Variants in CYP7B1 observed in about 807,000 individuals in gnomAD.
CYP7B1 encodes the protein cytochrome P450 family 7 subfamily B member 1.
CYP7B1 carries 29 observed loss-of-function variants against 42.7 expected under a neutral mutation model. The observed-to-expected ratio is 0.68, with a 90% CI of 0.51 to 0.93. CYP7B1 has a LOEUF of 0.93. Ranked by LOEUF, CYP7B1 falls within the 40% of genes least tolerant of loss-of-function variation. CYP7B1 has a pLI of 0.00. For missense variants in CYP7B1, 655 were observed against 600.5 expected (o/e 1.09, Z -0.95); for synonymous variants, 235 against 218.2 (o/e 1.08, Z -0.68).
chr8:64,752,605 G>T (rs972356258), intron 1 of CYP7B1, among the ~76,000 whole-genome samples: 12 of 152,100 alleles, frequency 7.9e-5, no homozygotes, highest in Non-Finnish European at 1.6e-4. Context: ...GGGACTCAAG[G>T]AGAGAATATA....
At chr8:64,633,788 G>A (rs963255694) in intron 1 of CYP7B1, among the ~76,000 whole-genome samples, 4 of 152,118 alleles carry the variant, frequency 2.6e-5, no homozygotes, top group African/African-American at 9.7e-5. Context: ...ATATGGAAAG[G>A]CAAAAGACAA....
At chr8:64,797,757 G>T (rs1230354827) in intron 1 of CYP7B1, among the ~76,000 whole-genome samples, 3 of 152,162 alleles carry the variant, frequency 2.0e-5, no homozygotes, top group African/African-American at 7.2e-5. Flanking sequence ...AGAGCAGTAT[G>T]AAAATAGGAC....
At chr8:64,795,668 T>C (rs944533212) in intron 1 of CYP7B1, among the ~76,000 whole-genome samples, 1 of 152,224 alleles carries the variant, frequency 6.6e-6, no homozygotes, top group Non-Finnish European at 1.5e-5. Context: ...GATTCCCATC[T>C]CTCTCACACA....
At chr8:64,759,888 T>TTAA (rs1807860645) in intron 1 of CYP7B1, among the ~76,000 whole-genome samples, 1 of 152,162 alleles carries the variant, frequency 6.6e-6, no homozygotes, top group Non-Finnish European at 1.5e-5. Flanking sequence ...GAAAAAAATA[T>TTAA]ACAAAAGTTA....
intron 1 of CYP7B1, among the ~76,000 whole-genome samples, chr8:64,629,702 C>T (rs879602980): frequency 3.3e-5 from 5 of 152,192 alleles, no homozygotes; most frequent in Non-Finnish European, 5.9e-5. Flanking sequence ...TAATTTGCTT[C>T]ATAGTACCTC....
At chr8:64,788,950 T>G (rs1390683485) in intron 1 of CYP7B1, among the ~76,000 whole-genome samples, 3 of 152,216 alleles carry the variant, frequency 2.0e-5, no homozygotes, top group Non-Finnish European at 4.4e-5. Flanking sequence ...AGATGCAGTC[T>G]CACTCTGTCG....
intron 1 of CYP7B1, among the ~76,000 whole-genome samples, chr8:64,778,492 T>C (rs976762557): frequency 2.0e-4 from 31 of 152,156 alleles, no homozygotes; most frequent in Non-Finnish European, 3.5e-4. Flanking sequence ...TTGAACTGTC[T>C]GTAACACTTT....
At chr8:64,715,175 G>T (rs1480873372) in intron 1 of CYP7B1, among the ~76,000 whole-genome samples, 1 of 151,978 alleles carries the variant, frequency 6.6e-6, no homozygotes, top group Non-Finnish European at 1.5e-5. Flanking sequence ...TGTTAAAGTG[G>T]GCATCTTACT....
chr8:64,719,510 C>T (rs959461593), intron 1 of CYP7B1, among the ~76,000 whole-genome samples: 3 of 152,220 alleles, frequency 2.0e-5, no homozygotes, highest in African/African-American at 7.2e-5. Context: ...GACAGAGCTA[C>T]ACGCTGCCTT....
chr8:64,762,825 T>C (rs1807909201), intron 1 of CYP7B1, among the ~76,000 whole-genome samples: 1 of 152,264 alleles, frequency 6.6e-6, no homozygotes, highest in Admixed American at 6.5e-5. Flanking sequence ...CTACCTATTT[T>C]ATTATTCATT....
At chr8:64,769,242 T>G (rs1375029175) in intron 1 of CYP7B1, among the ~76,000 whole-genome samples, 1 of 152,214 alleles carries the variant, frequency 6.6e-6, no homozygotes, top group African/African-American at 2.4e-5. Context: ...GCACCATGCC[T>G]TGATGAAAAC....
At chr8:64,652,859 A>C (rs1429535996) in intron 1 of CYP7B1, among the ~76,000 whole-genome samples, 1 of 152,104 alleles carries the variant, frequency 6.6e-6, no homozygotes, top group African/African-American at 2.4e-5. Context: ...CAAAACAAAC[A>C]AACAAAAACA....
At chr8:64,589,044 G>T (rs1805002921), downstream of CYP7B1, among the ~76,000 whole-genome samples, 2 of 152,168 alleles carry the variant, frequency 1.3e-5, no homozygotes, top group African/African-American at 4.8e-5. Context: ...AGTAAAATCT[G>T]TAATTATTCA....
intron 4 of CYP7B1, among the ~76,000 whole-genome samples, chr8:64,611,579 T>C (rs1805364339): frequency 6.6e-6 from 1 of 152,158 alleles, no homozygotes; most frequent in African/African-American, 2.4e-5. Context: ...AAGCTCATAC[T>C]TCTAGAGTTA....
At chr8:64,798,299 CAGA>C (rs891880459) in intron 1 of CYP7B1, among the ~76,000 whole-genome samples, 164 bp downstream of exon 1, 1 of 152,224 alleles carries the variant, frequency 6.6e-6, no homozygotes, top group Non-Finnish European at 1.5e-5. Context: ...GGGAAAAAGA[CAGA>C]AGAAGCCTTT....
Position 64,604,822 on chromosome 8 carries a change from A to T in CYP7B1, c.1093T>A (p.Tyr365Asn). The change falls in exon 5 of 6, where the codon TAT becomes AAT. Residue 365 changes from tyrosine (Y) to asparagine (N), a missense_variant. Tyr to Asn is a moderately radical substitution (Grantham distance 143). Transcript: ENST00000310193. ...TCAACAAAACGAATGGTGGTTGAAT[A>T]TGAGGACAGTCGTAAAGCTTCAAAA... ...SIFEALRLSS[Y>N]STTIRFVEED... 1 of 1,614,168 alleles carries T rather than the reference A, an allele frequency of 6.2e-7. No individual in the cohort carries two copies. The highest frequency in any genetic ancestry group is 1.7e-5 in the Admixed American group (1 of 60,018).
intron 1 of CYP7B1, among the ~76,000 whole-genome samples, chr8:64,755,856 G>A (rs1807800294): frequency 6.6e-6 from 1 of 152,088 alleles, no homozygotes; most frequent in Non-Finnish European, 1.5e-5. Context: ...ATTTTAGGGG[G>A]AGTCAACATT....
chr8:64,591,305 G>A lies in CYP7B1; in HGVS notation c.*5337C>T, dbSNP rs1382459599. Among the ~76,000 whole-genome samples the A allele has an allele frequency of 6.6e-6, 1 of 152,094 alleles. No individual in the cohort carries two copies. Among genetic ancestry groups the A allele is most frequent in the Non-Finnish European group, 1.5e-5 (1 of 67,984 alleles). On this transcript the variant is annotated 3_prime_UTR_variant, in exon 6 of 6. Transcript: ENST00000310193. ...AATTTAAAATAGTGCTACAGAGAAT[G>A]TCATCTTGGCTTGCTAACTTTTTCT...
intron 1 of CYP7B1, among the ~76,000 whole-genome samples, chr8:64,745,211 A>C (rs1807626046): frequency 6.6e-6 from 1 of 152,046 alleles, no homozygotes; most frequent in Admixed American, 6.6e-5. Context: ...GCAGCAGTAT[A>C]ATGTTCATTT....
Sources: gnomAD v4.1 joint callset for allele counts (sites outside exome capture counted in the v4.1 genomes callset) on GRCh38, gnomAD v4.1.1 for gene constraint, MANE v1.5 for transcripts, NCBI Gene and HGNC (gene_info 2026-07-23, HGNC 2026-07-21) for gene names.